The following TEF variants were observed in gnomAD, a reference collection of about 807,000 sequenced individuals.
The protein encoded by TEF is thyrotroph embryonic factor.
In TEF, 3 loss-of-function variants were observed where a neutral mutation model predicts 20.8. That is an observed-to-expected ratio of 0.14 (90% CI 0.07 to 0.37). The LOEUF (loss-of-function observed/expected upper bound fraction) is 0.37. TEF is among the 10% of genes least tolerant of loss of function. The probability of loss-of-function intolerance (pLI) is 1.00; values close to 1 mark genes in which losing one functional copy is unlikely to be tolerated. For missense variants in TEF, 296 were observed against 397.9 expected, an observed-to-expected ratio of 0.74 and a Z score of 2.18; for synonymous variants, 180 against 171.1, an observed-to-expected ratio of 1.05 and a Z score of -0.41.
chr22:41,385,221 A>T (rs767724174), intron 1 of TEF, among the ~76,000 whole-genome samples: 5 of 151,696 alleles, frequency 3.3e-5, no homozygotes, highest in Admixed American at 6.6e-5. Flanking sequence ...TTAGCCGGGC[A>T]TGGTAGCGCA....
upstream of TEF, among the ~76,000 whole-genome samples, chr22:41,378,255 G>A (rs1367452659): frequency 1.5e-5 from 2 of 135,412 alleles, no homozygotes; most frequent in Non-Finnish European, 3.1e-5. Flanking sequence ...TGCAACCTCC[G>A]CCTCCCACGT....
rs576317453 is a variant in TEF, at chr22:41,374,053, C to T, written c.67+6454C>T. Among the ~76,000 whole-genome samples the T allele has an allele frequency of 6.6e-5, 10 of 152,166 alleles. No individual in the cohort carries two copies. The East Asian group carries it at 7.8e-4, about 12-fold the overall frequency. The stretch of plus-strand genomic sequence containing the variant: ...CTGGGATTGCAGGCATGAGCCACCG[C>T]GCCCAGCCTATATACTGTATTCTTA... On this transcript the variant is annotated intron_variant, in intron 1 of 3. Transcript: ENST00000406644.
chr22:41,378,156 CTTAGCTTCCT>C (rs887819023), upstream of TEF, among the ~76,000 whole-genome samples: 35 of 98,276 alleles, frequency 3.6e-4, no homozygotes, highest in Admixed American at 6.6e-4. Context: ...AAAAAGCTTC[CTTAGCTTCCT>C]TTTTTTTTTT....
chr22:41,392,359 T>C (rs1426326211), intron 2 of TEF, among the ~76,000 whole-genome samples: 1 of 152,128 alleles, frequency 6.6e-6, no homozygotes, highest in Non-Finnish European at 1.5e-5. Flanking sequence ...CGTTAGTTTC[T>C]TCATCTGTAA....
At chr22:41,392,485 C>G (rs992842137) in intron 2 of TEF, among the ~76,000 whole-genome samples, 1 of 149,556 alleles carries the variant, frequency 6.7e-6, no homozygotes, top group Non-Finnish European at 1.5e-5. Context: ...ACCATCCTGG[C>G]CAACATAGTG....
At chr22:41,387,177 C>T (rs2037107682) in intron 1 of TEF, among the ~76,000 whole-genome samples, 174 bp from the exon 2 acceptor site, 2 of 152,148 alleles carry the variant, frequency 1.3e-5, no homozygotes, top group Non-Finnish European at 2.9e-5. Flanking sequence ...AGGAAAACAG[C>T]CGGCCTGGTT....
At position 41,387,801 on chromosome 22, in the gene TEF, A is replaced by G. The variant is rs906105294; in HGVS notation, c.475+133A>G. ...AGGTCCTGGTGGGGCTGCAGTGTGG[A>G]GAAACTCTTCACTCCCCACCCTTCC... On this transcript the variant is annotated intron_variant, in intron 2 of 3. Coordinates refer to ENST00000266304, the MANE Select transcript of TEF (RefSeq NM_003216.4). 1.3e-5 allele frequency: 12 copies of G among 920,338 alleles called. No homozygotes were observed. The African/African-American group carries it at 1.7e-4, about 13-fold the overall frequency. 57.0% of individuals were successfully genotyped at this position (920,338 alleles called of 1,614,324 possible). A position where few individuals can be genotyped will look rare whatever the true frequency, so the allele number is the denominator to read the frequency against.
chr22:41,385,401 C>T (rs2037085622), intron 1 of TEF, among the ~76,000 whole-genome samples: 1 of 151,978 alleles, frequency 6.6e-6, no homozygotes, highest in African/African-American at 2.4e-5. Flanking sequence ...ACCAAAGAAA[C>T]ATCTTTATCC....
chr22:41,388,367 C>T (rs891229875), intron 2 of TEF, among the ~76,000 whole-genome samples: 1 of 151,738 alleles, frequency 6.6e-6, no homozygotes, highest in Non-Finnish European at 1.5e-5. Context: ...CTCACTGCAA[C>T]CTCCATCTCC....
intron 3 of TEF, 74 bp from the exon 4 acceptor site, chr22:41,395,671 A>C: frequency 1.4e-6 from 2 of 1,457,602 alleles, no homozygotes; most frequent in Non-Finnish European, 1.9e-6. Flanking sequence ...AGGGGAATCC[A>C]GGTGGTGGGA....
At chr22:41,382,848 G>T in intron 1 of TEF, 1 of 469,024 alleles carries the variant, frequency 2.1e-6, no homozygotes, top group South Asian at 1.5e-5. Context: ...GCAGAGAAAC[G>T]ATGAGGGTCA....
intron 2 of TEF, 91 bp from the exon 3 acceptor site, chr22:41,394,005 C>A: frequency 8.0e-7 from 1 of 1,242,806 alleles, no homozygotes; most frequent in Non-Finnish European, 1.1e-6. Context: ...GCTTATGCAG[C>A]CTTGAGGTTC....
At chr22:41,385,780 G>T (rs1233838292) in intron 1 of TEF, among the ~76,000 whole-genome samples, 4 of 152,086 alleles carry the variant, frequency 2.6e-5, no homozygotes, top group Admixed American at 2.0e-4. Context: ...TGCCTGTCAG[G>T]TTCAAGTGAT....
In TEF at chr22:41,370,112, CT is replaced by C. The variant is rs1362156354; in HGVS notation, c.67+2516del. Reference sequence around the variant, plus strand: ...CTCACTCCACTTTCTTTTATTTTCTCTTTCCCCCTTTTTTTTTTTTGAGATA... The same window carrying C: ...CTCACTCCACTTTCTTTTATTTTCTCTTCCCCCTTTTTTTTTTTTGAGATA... On this transcript the variant is annotated intron_variant, in intron 1 of 3. Coordinates refer to the TEF transcript ENST00000406644. The C allele has an allele frequency of 2.1e-5, 21 of 983,308 alleles. No individual in the cohort carries two copies. In the South Asian group the frequency reaches 3.3e-4, roughly 15 times the overall value. 60.9% of individuals were successfully genotyped at this position (983,308 alleles called of 1,614,324 possible).
chr22:41,385,273 T>A (rs1486800147), intron 1 of TEF, among the ~76,000 whole-genome samples: 6 of 151,864 alleles, frequency 4.0e-5, no homozygotes, highest in Non-Finnish European at 8.8e-5. Flanking sequence ...GGCAGGAGAA[T>A]CGCTTGAACA....
intron 2 of TEF, among the ~76,000 whole-genome samples, chr22:41,392,872 A>T (rs1001501319): frequency 5.3e-5 from 8 of 151,876 alleles, no homozygotes; most frequent in African/African-American, 9.7e-5. Flanking sequence ...CCCTGTCTCT[A>T]CTAAAAATAC....
At chr22:41,378,341 GC>G (rs2036972552), upstream of TEF, among the ~76,000 whole-genome samples, 1 of 81,982 alleles carries the variant, frequency 1.2e-5, no homozygotes, top group Non-Finnish European at 2.3e-5. Context: ...GCTAACTTTT[GC>G]CTTTTTTTTT....
intron 2 of TEF, among the ~76,000 whole-genome samples, chr22:41,392,068 C>G (rs1031757747): frequency 6.6e-6 from 1 of 152,170 alleles, no homozygotes; most frequent in Non-Finnish European, 1.5e-5. Flanking sequence ...AACAGGTATT[C>G]AATAAGTATC....
At chr22:41,368,129 C>T (rs1035528076) in intron 1 of TEF, among the ~76,000 whole-genome samples, 3 of 152,150 alleles carry the variant, frequency 2.0e-5, no homozygotes, top group African/African-American at 7.2e-5. Flanking sequence ...TAGGATACCA[C>T]AGGCAAAACG....
Sources: allele counts gnomAD v4.1 joint callset (sites outside exome capture counted in the v4.1 genomes callset), GRCh38; gene constraint gnomAD v4.1.1; transcripts MANE v1.5; gene names NCBI Gene and HGNC (gene_info 2026-07-23, HGNC 2026-07-21).